ZFHX3: variants seen among roughly 807,000 people sequenced by gnomAD.
The protein encoded by ZFHX3 is zinc finger homeobox 3.
In ZFHX3, 42 loss-of-function variants were observed where a neutral mutation model predicts 279.1. The ratio of observed to expected loss-of-function variants is 0.15; its 90% CI spans 0.12 to 0.19. The LOEUF is 0.19. ZFHX3 is among the 10% of genes least tolerant of loss of function. The pLI is 1.00. For missense variants in ZFHX3, 4,981 were observed against 4,754.0 expected, an observed-to-expected ratio of 1.05 and a Z score of -1.40; for synonymous variants, 2,293 against 1,957.8, an observed-to-expected ratio of 1.17 and a Z score of -4.52.
At chr16:73,788,393 C>T (rs1022938327) in intron 1 of ZFHX3, among the ~76,000 whole-genome samples, 4 of 152,166 alleles carry the variant, frequency 2.6e-5, no homozygotes, top group Non-Finnish European at 4.4e-5. Context: ...TAAGAGACTT[C>T]GTGTCCTTGG....
chr16:73,366,480 C>G (rs928839082), intron 3 of ZFHX3, among the ~76,000 whole-genome samples: 4 of 151,688 alleles, frequency 2.6e-5, no homozygotes, highest in Non-Finnish European at 4.4e-5. Flanking sequence ...ACTGATAGTC[C>G]CAGTAGTTTG....
chr16:72,928,201 C>T (rs561670172), intron 3 of ZFHX3, among the ~76,000 whole-genome samples: 1 of 6,408 alleles, frequency 1.6e-4, no homozygotes, highest in South Asian at 5.5e-3. Flanking sequence ...GGGAGGGGAG[C>T]GAGGGGGAGC....
At chr16:73,397,941 T>C (rs1248469992) in intron 3 of ZFHX3, among the ~76,000 whole-genome samples, 2 of 152,120 alleles carry the variant, frequency 1.3e-5, no homozygotes, top group Non-Finnish European at 2.9e-5. Flanking sequence ...GCCTCCCAGG[T>C]TCAAGTGATC....
chr16:73,751,265 G>A (rs2053759479), intron 1 of ZFHX3, among the ~76,000 whole-genome samples: 1 of 152,166 alleles, frequency 6.6e-6, no homozygotes, highest in Admixed American at 6.5e-5. Context: ...AGTACTCAGT[G>A]CCCATACTCT....
intron 4 of ZFHX3, among the ~76,000 whole-genome samples, chr16:72,853,109 G>A (rs138224501): frequency 2.0e-5 from 3 of 152,326 alleles, no homozygotes; most frequent in Non-Finnish European, 2.9e-5. Flanking sequence ...GGGATGACAA[G>A]GTTGACCCTG....
chr16:73,419,327 T>A (rs2017668145), intron 3 of ZFHX3, among the ~76,000 whole-genome samples: 1 of 152,234 alleles, frequency 6.6e-6, no homozygotes. Flanking sequence ...GCAATTTGCC[T>A]CACTTGGCAA....
rs2035860549 is a variant in ZFHX3 at position 72,795,202 on chromosome 16, A to C, written c.7480T>G (p.Leu2494Val). The change falls in exon 9 of 10, where the codon TTA becomes GTA. Residue 2494 changes from leucine to valine, a missense_variant. Around this residue, in one of 7 missense-constraint regions of ZFHX3, gnomAD observed 744 missense variants for 701.3 expected, o/e 1.06. Coordinates refer to ENST00000268489, the MANE Select transcript of ZFHX3 (RefSeq NM_006885.4). ...GAAGGACTGGGGCTCGACTGGGGTA[A>C]GGGGCACTGTGGAGGGGGCGCTTGT... ...PPQAPPPQCP[L>V]PQSSPSPSQL... The C allele has an allele frequency of 6.2e-7, 1 of 1,604,076 alleles. No homozygotes were observed. The highest frequency in any genetic ancestry group is 1.7e-5 in the Admixed American group (1 of 59,430).
intron 3 of ZFHX3, among the ~76,000 whole-genome samples, chr16:72,923,872 G>A (rs545307780): frequency 1.3e-5 from 2 of 152,292 alleles, no homozygotes; most frequent in South Asian, 2.1e-4. Flanking sequence ...GTCCTACCAC[G>A]TTCAAGACGC....
At chr16:72,916,027 T>C (rs1362538909) in intron 3 of ZFHX3, among the ~76,000 whole-genome samples, 2 of 152,196 alleles carry the variant, frequency 1.3e-5, no homozygotes, top group African/African-American at 2.4e-5. Flanking sequence ...TGATTTTTAA[T>C]GGCATCAGAA....
At chr16:73,333,131 T>C (rs912427556) in intron 3 of ZFHX3, among the ~76,000 whole-genome samples, 4 of 152,158 alleles carry the variant, frequency 2.6e-5, no homozygotes, top group African/African-American at 7.2e-5. Flanking sequence ...CATAGATACA[T>C]AGTAGATAGA....
intron 7 of ZFHX3, among the ~76,000 whole-genome samples, chr16:73,100,343 C>T (rs1248073645): frequency 1.3e-5 from 2 of 152,168 alleles, no homozygotes. Flanking sequence ...AACAAATAAA[C>T]ATCAGCCACT....
At chr16:72,898,310 T>C (rs1301249718) in intron 3 of ZFHX3, among the ~76,000 whole-genome samples, 1 of 152,094 alleles carries the variant, frequency 6.6e-6, no homozygotes, top group East Asian at 1.9e-4. Context: ...GATCAATCCA[T>C]TTGGGTTGCT....
At chr16:73,311,176 A>G (rs1371141053) in intron 4 of ZFHX3, among the ~76,000 whole-genome samples, 1 of 152,012 alleles carries the variant, frequency 6.6e-6, no homozygotes, top group Admixed American at 6.5e-5. Context: ...GAGGTTGCAG[A>G]GAGCCAAGAT....
rs529791182 is a variant in ZFHX3 at position 73,830,793 on chromosome 16, T to C, written c.-1608+60858A>G. 8.5e-5 allele frequency among the ~76,000 whole-genome samples: 13 copies of C among 152,360 alleles called. No individual in the cohort carries two copies. In the South Asian group the frequency reaches 2.7e-3, roughly 32 times the overall value. ...GTCTTATTGCATTCCAAATCCTGGATGCCAAATTTCTTTTAAATATTGCCA... is the reference window on the plus strand; with the variant it reads ...GTCTTATTGCATTCCAAATCCTGGACGCCAAATTTCTTTTAAATATTGCCA... On this transcript the variant is annotated intron_variant, in intron 1 of 17. Transcript: ENST00000641206.
chr16:72,789,757 C>T (rs938263869), intron 9 of ZFHX3: 10 of 152,232 alleles, frequency 6.6e-5, no homozygotes, highest in Non-Finnish European at 1.3e-4. Flanking sequence ...ACAGTATAAC[C>T]GCCTAGGAAT....
intron 5 of ZFHX3, among the ~76,000 whole-genome samples, chr16:73,205,716 A>C (rs943306811): frequency 6.6e-6 from 1 of 152,220 alleles, no homozygotes; most frequent in African/African-American, 2.4e-5. Flanking sequence ...TTAGGAAAGC[A>C]GTAAAAATAA....
chr16:73,041,236 C>A (rs534315372), intron 1 of ZFHX3, among the ~76,000 whole-genome samples: 1 of 152,260 alleles, frequency 6.6e-6, no homozygotes, highest in African/African-American at 2.4e-5. Context: ...CTCTGTCACC[C>A]AATTTTTCCA....
chr16:72,962,947 C>T (rs1453684996), intron 1 of ZFHX3, among the ~76,000 whole-genome samples: 10 of 152,052 alleles, frequency 6.6e-5, no homozygotes, highest in Admixed American at 6.6e-5. Context: ...TCAAGGGTCT[C>T]AGGGCATCTA....
At chr16:72,806,606 G>A (rs1363165014) in intron 7 of ZFHX3, among the ~76,000 whole-genome samples, 1 of 151,958 alleles carries the variant, frequency 6.6e-6, no homozygotes, top group African/African-American at 2.4e-5. Flanking sequence ...GGGTGCAACC[G>A]CCCCCAGGCC....
Sources: gnomAD v4.1 joint callset for allele counts (sites outside exome capture counted in the v4.1 genomes callset) on GRCh38, gnomAD v4.1.1 for gene constraint, gnomAD v4.1.1 regional missense constraint, MANE v1.5 for transcripts, NCBI Gene and HGNC (gene_info 2026-07-23, HGNC 2026-07-21) for gene names.